SORCS3: variants seen among roughly 807,000 people sequenced by gnomAD.
SORCS3 encodes sortilin related VPS10 domain containing receptor 3, also known as VPS10 domain-containing receptor SorCS3.
SORCS3 carries 57 observed loss-of-function variants against 146.3 expected under a neutral mutation model. That is an observed-to-expected ratio of 0.39 (90% CI 0.31 to 0.49). The LOEUF is 0.49. Among genes scored for constraint, SORCS3 ranks in the 20% least tolerant of loss-of-function variants. SORCS3 has a pLI of 0.92. For missense variants in SORCS3, 1,341 were observed against 1,575.5 expected (o/e 0.85, Z 2.52); for synonymous variants, 653 against 618.5 (o/e 1.06, Z -0.83).
At chr10:105,045,414 T>A (rs531371959) in intron 5 of SORCS3, among the ~76,000 whole-genome samples, 85 of 152,288 alleles carry the variant, frequency 5.6e-4, no homozygotes, top group Admixed American at 1.5e-3. Flanking sequence ...AAGTGGTAGT[T>A]TTGAATATTC....
chr10:104,651,817 C>T (rs2015564422), intron 1 of SORCS3, among the ~76,000 whole-genome samples: 2 of 152,140 alleles, frequency 1.3e-5, no homozygotes, highest in Admixed American at 1.3e-4. Flanking sequence ...CCACCAGCAC[C>T]AGGGACCAGC....
intron 5 of SORCS3, among the ~76,000 whole-genome samples, chr10:105,077,858 G>T (rs1473851426): frequency 1.3e-5 from 2 of 152,174 alleles, no homozygotes; most frequent in Non-Finnish European, 2.9e-5. Flanking sequence ...ACAGACATGG[G>T]TGTCAGTGTC....
chr10:105,042,579 A>G (rs1404963833), intron 4 of SORCS3, among the ~76,000 whole-genome samples: 1 of 151,506 alleles, frequency 6.6e-6, no homozygotes, highest in East Asian at 1.9e-4. Flanking sequence ...TGGCCTAGCC[A>G]TCTTGCAAAA....
At chr10:105,008,165 A>T (rs1412920595) in intron 4 of SORCS3, among the ~76,000 whole-genome samples, 2 of 152,166 alleles carry the variant, frequency 1.3e-5, no homozygotes, top group African/African-American at 4.8e-5. Flanking sequence ...TGCTGCAGAC[A>T]TATCTCCATC....
intron 4 of SORCS3, among the ~76,000 whole-genome samples, chr10:105,007,744 T>C (rs989363935): frequency 6.6e-6 from 1 of 152,010 alleles, no homozygotes; most frequent in Non-Finnish European, 1.5e-5. Context: ...GGTTAGTTAG[T>C]TATAGGAGTG....
At chr10:105,119,123 A>G (rs1241014740) in intron 7 of SORCS3, among the ~76,000 whole-genome samples, 1 of 152,180 alleles carries the variant, frequency 6.6e-6, no homozygotes, top group Admixed American at 6.5e-5. Flanking sequence ...CAGCCTGGAA[A>G]CTTGGTACCC....
chr10:104,676,375 C>T (rs1329785704), intron 1 of SORCS3, among the ~76,000 whole-genome samples: 1 of 152,066 alleles, frequency 6.6e-6, no homozygotes, highest in East Asian at 1.9e-4. Flanking sequence ...TGGATAAAAG[C>T]CTCTTTTTCA....
chr10:105,041,613 T>C (rs1174803107), intron 4 of SORCS3, among the ~76,000 whole-genome samples: 1 of 152,070 alleles, frequency 6.6e-6, no homozygotes, highest in Non-Finnish European at 1.5e-5. Flanking sequence ...CTGAATTAAA[T>C]TGAAATGAGT....
chr10:105,087,246 G>C (rs2055668250), intron 5 of SORCS3, among the ~76,000 whole-genome samples: 1 of 152,048 alleles, frequency 6.6e-6, no homozygotes, highest in Non-Finnish European at 1.5e-5. Context: ...GTAGATGTGT[G>C]GTATTATTTC....
chr10:105,084,312 A>G (rs2055644543), intron 5 of SORCS3, among the ~76,000 whole-genome samples: 1 of 152,362 alleles, frequency 6.6e-6, no homozygotes, highest in Non-Finnish European at 1.5e-5. Flanking sequence ...TGCCTGACAC[A>G]GGAATGGTCT....
At chr10:105,068,363 G>GC (rs1215922425) in intron 5 of SORCS3, among the ~76,000 whole-genome samples, 13 of 152,170 alleles carry the variant, frequency 8.5e-5, no homozygotes, top group Admixed American at 2.0e-4. Flanking sequence ...CACCCTCTTG[G>GC]CCCCCTTGTT....
At position 105,009,549 on chromosome 10, in the gene SORCS3, AAAC is replaced by A. The variant is rs1451759555; in HGVS notation, c.954+32057_954+32059del. ...AAACAAAAAAAAAAAAAAAAAAAAA[AAAC>A]CCCAAAAACTGTAGTGAGAGGATAT... On this transcript the variant is annotated intron_variant, in intron 4 of 26. Transcript: ENST00000369701. Among the ~76,000 whole-genome samples, 170 of 142,056 alleles carry A rather than the reference AAAC, an allele frequency of 1.2e-3. 1 individual carries two copies. The highest frequency in any genetic ancestry group is 4.3e-3 in the African/African-American group (162 of 37,604). 93.2% of individuals were successfully genotyped at this position (142,056 alleles called of 152,430 possible).
At chr10:104,983,253 G>A (rs781738360) in intron 4 of SORCS3, among the ~76,000 whole-genome samples, 1 of 151,204 alleles carries the variant, frequency 6.6e-6, no homozygotes, top group South Asian at 2.1e-4. Context: ...TGCCCTCCTC[G>A]GCCTCCCAAA....
chr10:105,137,664 T>C (rs1307678555), intron 7 of SORCS3, among the ~76,000 whole-genome samples: 2 of 152,136 alleles, frequency 1.3e-5, no homozygotes, highest in African/African-American at 4.8e-5. Flanking sequence ...ACCAGCAGCA[T>C]TGGCATCACC....
At chr10:104,705,001 C>G (rs1034567382) in intron 1 of SORCS3, among the ~76,000 whole-genome samples, 3 of 152,174 alleles carry the variant, frequency 2.0e-5, no homozygotes, top group Non-Finnish European at 4.4e-5. Flanking sequence ...CCTTAACCCC[C>G]TCTTCCCTCA....
At chr10:104,642,021 G>T in intron 1 of SORCS3, 67 bp downstream of exon 1, 3 of 369,038 alleles carry the variant, frequency 8.1e-6, no homozygotes, top group Admixed American at 3.6e-5. Context: ...GGGGTGGGTG[G>T]GAGCGAGGGA....
intron 7 of SORCS3, among the ~76,000 whole-genome samples, chr10:105,134,892 G>A (rs865902507): frequency 3.9e-5 from 6 of 152,040 alleles, no homozygotes; most frequent in Non-Finnish European, 5.9e-5. Flanking sequence ...AATAAGATGC[G>A]GGTGAGACTC....
intron 24 of SORCS3, among the ~76,000 whole-genome samples, 188 bp downstream of exon 24, chr10:105,255,989 A>C (rs2056929183): frequency 6.6e-6 from 1 of 152,208 alleles, no homozygotes; most frequent in Non-Finnish European, 1.5e-5. Context: ...TCCTGCAAGA[A>C]GACTTTCTTA....
chr10:104,738,440 G>A (rs1164286373), intron 1 of SORCS3, among the ~76,000 whole-genome samples: 5 of 152,144 alleles, frequency 3.3e-5, no homozygotes, highest in Admixed American at 6.5e-5. Flanking sequence ...TATGGATGTA[G>A]CCTCTTAGAA....
Sources: allele counts gnomAD v4.1 joint callset (sites outside exome capture counted in the v4.1 genomes callset), GRCh38; gene constraint gnomAD v4.1.1; transcripts MANE v1.5; gene names NCBI Gene and HGNC (gene_info 2026-07-23, HGNC 2026-07-21).